IMMP2L: variants seen among roughly 807,000 people sequenced by gnomAD.
The protein encoded by IMMP2L is inner mitochondrial membrane peptidase subunit 2, also known as mitochondrial inner membrane protease subunit 2.
A neutral mutation model predicts 19.3 loss-of-function variants in IMMP2L; 18 were observed. The ratio of observed to expected loss-of-function variants is 0.93; its 90% CI spans 0.64 to 1.38. The LOEUF is 1.38. IMMP2L is among the 40% of genes most tolerant of loss of function. The pLI, the probability that IMMP2L is intolerant of heterozygous loss-of-function variation, is 0.00. For missense variants in IMMP2L, 233 were observed against 218.2 expected (o/e 1.07, Z -0.43); for synonymous variants, 76 against 73.0 (o/e 1.04, Z -0.21).
rs1305673957 is a variant in IMMP2L, at chr7:110,728,081, CT to C, written c.409-64361del. Among the ~76,000 whole-genome samples, 13 of 152,184 alleles carry C rather than the reference CT, an allele frequency of 8.5e-5. No homozygotes were observed. The highest frequency in any genetic ancestry group is 3.1e-4 in the African/African-American group (13 of 41,440). On this transcript the variant is annotated intron_variant, in intron 5 of 5. Coordinates refer to ENST00000405709, the MANE Select transcript of IMMP2L (RefSeq NM_032549.4). The surrounding 1 kb of genome is among the most constrained non-coding windows in gnomAD (Gnocchi z 4.6). ...AGAACAGGGGTACCAACAATATATA[CT>C]TCATAATGTTGATGGGAAGATTAAA...
At chr7:111,347,965 A>G (rs933066664) in intron 3 of IMMP2L, among the ~76,000 whole-genome samples, 2 of 152,028 alleles carry the variant, frequency 1.3e-5, no homozygotes, top group East Asian at 1.9e-4. Context: ...CATAAAAAAA[A>G]GGATGAGTTC....
At chr7:110,962,412 A>C (rs1819045427) in intron 4 of IMMP2L, 1 of 151,268 alleles carries the variant, frequency 6.6e-6, no homozygotes, top group Non-Finnish European at 1.5e-5. Flanking sequence ...CCTTTTCCAA[A>C]AGCAAACAAT....
At chr7:111,286,330 T>G (rs149543442) in intron 3 of IMMP2L, among the ~76,000 whole-genome samples, 4 of 152,226 alleles carry the variant, frequency 2.6e-5, no homozygotes, top group Admixed American at 6.5e-5. Context: ...AGACAAAGAC[T>G]ATGTAATATA....
intron 3 of IMMP2L, among the ~76,000 whole-genome samples, chr7:111,314,382 G>A (rs1421511424): frequency 3.3e-5 from 5 of 152,098 alleles, no homozygotes; most frequent in Admixed American, 6.6e-5. Flanking sequence ...GGAATATGCC[G>A]AAGAAAAGGT....
chr7:111,284,554 C>T (rs370875297), intron 3 of IMMP2L, among the ~76,000 whole-genome samples: 2 of 152,098 alleles, frequency 1.3e-5, no homozygotes, highest in Admixed American at 6.6e-5. Context: ...TTGGGAAAAC[C>T]GTAGTGCTGA....
chr7:111,424,963 A>G (rs1050872557), intron 3 of IMMP2L, among the ~76,000 whole-genome samples: 1 of 151,750 alleles, frequency 6.6e-6, no homozygotes, highest in African/African-American at 2.4e-5. Context: ...AATGCTAGCC[A>G]TGTGTACTTC....
chr7:111,172,233 T>C (rs1372590765), intron 3 of IMMP2L, among the ~76,000 whole-genome samples: 1 of 151,452 alleles, frequency 6.6e-6, no homozygotes, highest in East Asian at 1.9e-4. Context: ...CAGACTGCAC[T>C]CAACATTGAG....
chr7:111,055,502 C>G (rs1023078490), intron 3 of IMMP2L, among the ~76,000 whole-genome samples: 1 of 152,144 alleles, frequency 6.6e-6, no homozygotes, highest in Non-Finnish European at 1.5e-5. Flanking sequence ...CTTCCTAACC[C>G]GTTTGCAAAC....
intron 3 of IMMP2L, among the ~76,000 whole-genome samples, chr7:111,370,618 T>C (rs904008489): frequency 6.6e-6 from 1 of 151,944 alleles, no homozygotes; most frequent in African/African-American, 2.4e-5. Flanking sequence ...GAAAGAAATC[T>C]AGATAGTGAT....
intron 5 of IMMP2L, among the ~76,000 whole-genome samples, chr7:110,697,458 G>A (rs1252908451): frequency 6.6e-6 from 1 of 152,188 alleles, no homozygotes; most frequent in African/African-American, 2.4e-5. Flanking sequence ...AAATTATTTT[G>A]TTGGTTTACA....
chr7:110,835,464 A>C (rs1466203067), intron 5 of IMMP2L, among the ~76,000 whole-genome samples: 2 of 152,150 alleles, frequency 1.3e-5, no homozygotes, highest in African/African-American at 4.8e-5. Flanking sequence ...CTGGCTCATC[A>C]ACCTGCTTTC....
chr7:111,445,609 G>A (rs550790324), intron 3 of IMMP2L, among the ~76,000 whole-genome samples: 6 of 152,246 alleles, frequency 3.9e-5, no homozygotes, highest in African/African-American at 7.2e-5. Flanking sequence ...ATATTCTAAC[G>A]TTCTAGGTTT....
intron 3 of IMMP2L, among the ~76,000 whole-genome samples, chr7:111,352,224 G>T (rs1328522273): frequency 1.3e-5 from 2 of 152,020 alleles, no homozygotes; most frequent in Non-Finnish European, 2.9e-5. Context: ...TATTTTTTAA[G>T]AAAACCTTAT....
At chr7:110,730,682 G>A (rs534742309) in intron 5 of IMMP2L, among the ~76,000 whole-genome samples, 9 of 152,124 alleles carry the variant, frequency 5.9e-5, no homozygotes, top group Admixed American at 3.9e-4. Flanking sequence ...CAGCCACCAC[G>A]CCCAGCTAAT....
intron 3 of IMMP2L, among the ~76,000 whole-genome samples, chr7:111,299,900 T>C (rs982938323): frequency 6.8e-6 from 1 of 147,526 alleles, no homozygotes; most frequent in South Asian, 2.3e-4. Context: ...AAGGGCTGCA[T>C]CCTTGCTGAC....
At chr7:110,908,075 G>A (rs1466384577) in intron 4 of IMMP2L, among the ~76,000 whole-genome samples, 1 of 152,096 alleles carries the variant, frequency 6.6e-6, no homozygotes, top group African/African-American at 2.4e-5. Context: ...GTAGTTTTTG[G>A]TTTATGGGTA....
chr7:111,261,105 C>T (rs1817266608), intron 3 of IMMP2L, among the ~76,000 whole-genome samples: 1 of 152,136 alleles, frequency 6.6e-6, no homozygotes, highest in African/African-American at 2.4e-5. Context: ...AAGAAACTTC[C>T]ATTAACTTCT....
chr7:111,433,150 C>T (rs905140212), intron 3 of IMMP2L, among the ~76,000 whole-genome samples: 2 of 151,602 alleles, frequency 1.3e-5, no homozygotes, highest in Non-Finnish European at 2.9e-5. Context: ...TGGCAGAAGA[C>T]ACCTCTTCAC....
At chr7:111,173,485 A>G (rs1806680077) in intron 3 of IMMP2L, among the ~76,000 whole-genome samples, 1 of 151,620 alleles carries the variant, frequency 6.6e-6, no homozygotes, top group African/African-American at 2.4e-5. Context: ...TGTCTACCCA[A>G]TAAAGGAGAA....
Sources: gnomAD v4.1 joint callset for allele counts (sites outside exome capture counted in the v4.1 genomes callset) on GRCh38, gnomAD v4.1.1 for gene constraint, Gnocchi (gnomAD v3.1) non-coding constraint, MANE v1.5 for transcripts, NCBI Gene and HGNC (gene_info 2026-07-23, HGNC 2026-07-21) for gene names.